Variants in KIF20B observed in about 807,000 individuals in gnomAD.
The protein encoded by KIF20B is kinesin family member 20B.
A neutral mutation model predicts 232.5 loss-of-function variants in KIF20B; 188 were observed. The observed-to-expected ratio is 0.81, with a 90% CI of 0.72 to 0.91. KIF20B has a LOEUF of 0.91. Ranked by LOEUF, KIF20B falls within the 40% of genes least tolerant of loss-of-function variation. The pLI, the probability that KIF20B is intolerant of heterozygous loss-of-function variation, is 0.00. For missense variants in KIF20B, 2,154 were observed against 2,055.9 expected, an observed-to-expected ratio of 1.05 and a Z score of -0.92; for synonymous variants, 712 against 683.0, an observed-to-expected ratio of 1.04 and a Z score of -0.66.
intron 19 of KIF20B, among the ~76,000 whole-genome samples, chr10:89,733,405 T>A (rs1843372585): frequency 6.6e-6 from 1 of 152,190 alleles, no homozygotes; most frequent in Non-Finnish European, 1.5e-5. Context: ...TTTGCATTCT[T>A]TATTCATTTG....
intron 18 of KIF20B, 51 bp from the exon 19 acceptor site, chr10:89,732,852 A>AT (rs750725036): frequency 2.1e-6 from 3 of 1,412,242 alleles, no homozygotes; most frequent in Non-Finnish European, 2.8e-6. Flanking sequence ...TGATTTGTAC[A>AT]TTTTTTGTAG....
intron 1 of KIF20B, 141 bp from the exon 2 acceptor site, chr10:89,705,152 GT>G: frequency 1.5e-6 from 1 of 677,274 alleles, no homozygotes; most frequent in East Asian, 2.5e-5. Context: ...AGGGCATTGT[GT>G]TATAAATGAA....
intron 15 of KIF20B, among the ~76,000 whole-genome samples, chr10:89,725,940 A>T (rs1843178609): frequency 6.6e-6 from 1 of 152,130 alleles, no homozygotes; most frequent in Non-Finnish European, 1.5e-5. Flanking sequence ...TTTGGGATTG[A>T]CTGAGTTGTG....
intron 29 of KIF20B, 121 bp from the exon 30 acceptor site, chr10:89,768,169 C>T (rs1842401008): frequency 1.4e-5 from 9 of 644,642 alleles, no homozygotes; most frequent in Admixed American, 3.3e-5. Context: ...TTCAAAATTG[C>T]CCTCGGTTAA....
chr10:89,718,318 G>A (rs184997749), intron 11 of KIF20B, among the ~76,000 whole-genome samples: 1 of 151,966 alleles, frequency 6.6e-6, no homozygotes, highest in Non-Finnish European at 1.5e-5. Context: ...GAGCCCAGGA[G>A]TTCAAGACCA....
At chr10:89,756,830 C>A (rs1157977139) in intron 26 of KIF20B, among the ~76,000 whole-genome samples, 1 of 151,924 alleles carries the variant, frequency 6.6e-6, no homozygotes, top group East Asian at 1.9e-4. Flanking sequence ...TGAGAATCAT[C>A]CATGTTTCCA....
intron 13 of KIF20B, chr10:89,723,722 A>G (rs1843116470): frequency 3.8e-6 from 1 of 264,112 alleles, no homozygotes; most frequent in Admixed American, 5.5e-5. Context: ...TTTTCTTAGT[A>G]TAGCTAAACA....
At chr10:89,720,088 T>C (rs1051880660) in intron 13 of KIF20B, among the ~76,000 whole-genome samples, 1 of 152,204 alleles carries the variant, frequency 6.6e-6, no homozygotes, top group Non-Finnish European at 1.5e-5. Flanking sequence ...GATACACTAA[T>C]ATAACCTCGT....
At position 89,745,885 on chromosome 10, in the gene KIF20B, C is replaced by A. The variant is rs1564669863; in HGVS notation, c.4036-14C>A. 1 of 1,544,132 alleles carries A rather than the reference C, an allele frequency of 6.5e-7. No individual in the cohort carries two copies. Among genetic ancestry groups the A allele is most frequent in the Admixed American group, 1.7e-5 (1 of 59,874 alleles). On this transcript the variant is annotated splice_polypyrimidine_tract_variant and intron_variant, in intron 22 of 32. Transcript: ENST00000371728. Reference sequence around the variant, plus strand: ...AGTTAATTTGCAATTAATTTATATTCTTTCAATTTGTAGGAGCAGTTAAAT... The same window carrying A: ...AGTTAATTTGCAATTAATTTATATTATTTCAATTTGTAGGAGCAGTTAAAT...
rs879431020 is a variant in KIF20B at position 89,705,419 on chromosome 10, C to G, written c.125C>G (p.Ser42Cys). 1 of 1,613,812 alleles carries G rather than the reference C, an allele frequency of 6.2e-7. No homozygotes were observed. The highest frequency in any genetic ancestry group is 8.5e-7 in the Non-Finnish European group (1 of 1,179,928). Residue 42 changes from serine to cysteine, a missense_variant, in exon 2 of 33, where the codon TCC becomes TGC. Ser to Cys is a moderately radical substitution (Grantham distance 112). Transcript: ENST00000371728. ...AAGCTTGATCTGTCTCATGAATTTT[C>G]CTTAGTTGCTCCAAATACTGAGGTA... ...GIKLDLSHEFSLVAPNTEANS... is the reference protein window; with the variant it reads ...GIKLDLSHEFCLVAPNTEANS...
At chr10:89,725,492 C>G (rs951517234) in intron 15 of KIF20B, among the ~76,000 whole-genome samples, 1 of 152,000 alleles carries the variant, frequency 6.6e-6, no homozygotes, top group African/African-American at 2.4e-5. Context: ...TGTAAGAGAC[C>G]TAAGACGTCA....
At chr10:89,706,968 A>G (rs1014813422) in intron 2 of KIF20B, among the ~76,000 whole-genome samples, 11 of 152,176 alleles carry the variant, frequency 7.2e-5, no homozygotes, top group African/African-American at 2.7e-4. Flanking sequence ...CTGGGATTGC[A>G]TTAAATCTGT....
intron 29 of KIF20B, among the ~76,000 whole-genome samples, chr10:89,766,860 T>G (rs191972728): frequency 1.1e-3 from 160 of 152,170 alleles, no homozygotes; most frequent in Non-Finnish European, 1.6e-3. Context: ...TATATTTATT[T>G]AATTTTTTAA....
intron 31 of KIF20B, among the ~76,000 whole-genome samples, chr10:89,769,965 C>T (rs1353707950): frequency 2.6e-5 from 4 of 151,890 alleles, no homozygotes; most frequent in Admixed American, 6.6e-5. Context: ...TACTTTTTGT[C>T]GAAGGCTTAC....
Position 89,703,810 on chromosome 10 carries a change from T to G in KIF20B, c.-1-1484T>G, listed in dbSNP as rs947113935. Among the ~76,000 whole-genome samples the G allele has an allele frequency of 8.1e-5, 12 of 148,590 alleles. No homozygotes were observed. The East Asian group carries it at 2.4e-3, about 30-fold the overall frequency. On this transcript the variant is annotated intron_variant, in intron 1 of 32. Transcript: ENST00000371728. ...GCTCTGTGTTCAGGCTGGAGCGCAGTGGCGCAGTCTCGGCTCACTGCAGCC... is the reference window on the plus strand; with the variant it reads ...GCTCTGTGTTCAGGCTGGAGCGCAGGGGCGCAGTCTCGGCTCACTGCAGCC...
Position 89,738,063 on chromosome 10 carries a change from A to C in KIF20B, c.3222A>C (p.Lys1074Asn), listed in dbSNP as rs770460815. ...CKEIVKASSK[K>N]SHQIEELEQQ... Reference sequence around the variant, plus strand: ...AGATTGTGAAGGCCTCTTCCAAAAAAAGTCATCAGATTGAGGAACTGGAAC... The same window carrying C: ...AGATTGTGAAGGCCTCTTCCAAAAACAGTCATCAGATTGAGGAACTGGAAC... Residue 1074 changes from lysine to asparagine, a missense_variant, in exon 20 of 33, where the codon AAA becomes AAC. Lys to Asn is a moderately conservative substitution (Grantham distance 94). Transcript: ENST00000371728. The C allele has an allele frequency of 6.2e-7, 1 of 1,613,294 alleles. No homozygotes were observed. Among genetic ancestry groups the C allele is most frequent in the Non-Finnish European group, 8.5e-7 (1 of 1,179,688 alleles).
chr10:89,770,317 A>G (rs2133180651), intron 31 of KIF20B, among the ~76,000 whole-genome samples: 1 of 152,168 alleles, frequency 6.6e-6, no homozygotes, highest in East Asian at 1.9e-4. Context: ...ACCCATTTGT[A>G]TATTTACATA....
At chr10:89,702,930 G>T (rs1842642748) in intron 1 of KIF20B, among the ~76,000 whole-genome samples, 1 of 152,172 alleles carries the variant, frequency 6.6e-6, no homozygotes, top group Admixed American at 6.5e-5. Context: ...CGTATAAGTA[G>T]AAGTCATCTA....
At chr10:89,748,798 T>C (rs773748752) in intron 23 of KIF20B, among the ~76,000 whole-genome samples, 1 of 152,212 alleles carries the variant, frequency 6.6e-6, no homozygotes, top group Non-Finnish European at 1.5e-5. Flanking sequence ...CATATTTTAA[T>C]TTTTGTTTTC....
Sources: gnomAD v4.1 joint callset for allele counts (sites outside exome capture counted in the v4.1 genomes callset) on GRCh38, gnomAD v4.1.1 for gene constraint, MANE v1.5 for transcripts, NCBI Gene and HGNC (gene_info 2026-07-23, HGNC 2026-07-21) for gene names.